Variants in LCOR observed in about 807,000 individuals in gnomAD.
The protein encoded by LCOR is ligand-dependent corepressor.
LCOR carries 14 observed loss-of-function variants against 64.4 expected under a neutral mutation model. The observed-to-expected ratio is 0.22, with a 90% CI of 0.14 to 0.34. The LOEUF (loss-of-function observed/expected upper bound fraction) is 0.34. LCOR is among the 10% of genes least tolerant of loss of function. LCOR has a pLI of 1.00. For synonymous variants in LCOR, 643 were observed against 642.5 expected, an observed-to-expected ratio of 1.00 and a Z score of -0.01; for missense variants, 1,686 against 1,765.3, an observed-to-expected ratio of 0.96 and a Z score of 0.80.
intron 2 of LCOR, among the ~76,000 whole-genome samples, chr10:96,893,546 C>G (rs1040006417): frequency 1.3e-5 from 2 of 152,046 alleles, no homozygotes; most frequent in Non-Finnish European, 2.9e-5. Flanking sequence ...AGGCAGATCA[C>G]AAGGTCAGGA....
chr10:96,836,150 T>C (rs1845437412), intron 2 of LCOR, among the ~76,000 whole-genome samples: 1 of 152,246 alleles, frequency 6.6e-6, no homozygotes, highest in South Asian at 2.1e-4. Context: ...TTGCCCTAAT[T>C]TCCTGAAATG....
Position 96,912,817 on chromosome 10 carries a change from T to C in LCOR, c.-184+5070T>C, listed in dbSNP as rs150962883. Among the ~76,000 whole-genome samples the C allele has an allele frequency of 2.7e-3, 413 of 152,316 alleles. 3 individuals are homozygous for C. Among genetic ancestry groups the C allele is most frequent in the African/African-American group, 8.7e-3 (360 of 41,554 alleles). On this transcript the variant is annotated intron_variant, in intron 4 of 7. Coordinates refer to ENST00000421806, the MANE Select transcript of LCOR (RefSeq NM_001346516.2). ...TACTGTGGTGTTGACCAAATGATTT[T>C]CTATTTCCATAATTTCTTCTACATT... is the stretch of plus-strand genomic sequence containing the variant.
chr10:96,922,522 G>A (rs1469710632), intron 4 of LCOR, among the ~76,000 whole-genome samples: 2 of 152,182 alleles, frequency 1.3e-5, no homozygotes, highest in Non-Finnish European at 2.9e-5. Flanking sequence ...TCTTGCATTT[G>A]TAATAGTCTT....
rs769810945 is a variant in LCOR at position 96,991,022 on chromosome 10, TAAAAAAAAAAA to T, written c.*5901_*5911del. The T allele has an allele frequency of 1.3e-5, 1 of 77,262 alleles. No individual in the cohort carries two copies. The highest frequency in any genetic ancestry group is 4.7e-5 in the African/African-American group (1 of 21,416). 4.8% of individuals were successfully genotyped at this position (77,262 alleles called of 1,614,324 possible). ...TTTTACCCTTTTTTAAAGGGTTATG[TAAAAAAAAAAA>T]AAAAAAAAAAAAGCAACTATATGTG... On this transcript the variant is annotated 3_prime_UTR_variant, in exon 8 of 8. Transcript: ENST00000421806.
At chr10:96,856,719 C>G (rs1845810804) in intron 2 of LCOR, among the ~76,000 whole-genome samples, 1 of 151,960 alleles carries the variant, frequency 6.6e-6, no homozygotes, top group Admixed American at 6.6e-5. Flanking sequence ...TCAGGTGATT[C>G]TCCTGCCTTG....
At position 96,936,953 on chromosome 10, in the gene LCOR, T is replaced by C. The variant is rs117819909; in HGVS notation, c.-183-7160T>C. ...TAACAATATACTATAACAAAAGTTA[T>C]GTGAATATTCTCTCTCTTTTCTCAA... On this transcript the variant is annotated intron_variant, in intron 4 of 7. Transcript: ENST00000421806. Among the ~76,000 whole-genome samples, 22 of 152,360 alleles carry C rather than the reference T, an allele frequency of 1.4e-4. No individual in the cohort carries two copies. The East Asian group carries it at 4.2e-3, about 29-fold the overall frequency.
intron 2 of LCOR, among the ~76,000 whole-genome samples, chr10:96,883,284 C>T (rs1356591045): frequency 3.9e-5 from 6 of 152,198 alleles, no homozygotes; most frequent in African/African-American, 7.2e-5. Flanking sequence ...CTGCCTGCCT[C>T]GGCCTCCCAA....
intron 2 of LCOR, among the ~76,000 whole-genome samples, chr10:96,851,233 C>G (rs906334192): frequency 6.6e-6 from 1 of 152,226 alleles, no homozygotes; most frequent in Non-Finnish European, 1.5e-5. Context: ...CTGTTGTCAT[C>G]CTCCAGCTGA....
At chr10:96,967,350 T>C (rs1002028713) in intron 7 of LCOR, among the ~76,000 whole-genome samples, 5 of 152,222 alleles carry the variant, frequency 3.3e-5, no homozygotes, top group Non-Finnish European at 4.4e-5. Flanking sequence ...CTGCCTGTTT[T>C]GGAACTCCTG....
Position 96,909,107 on chromosome 10 carries a change from A to T in LCOR, c.-184+1360A>T, listed in dbSNP as rs139118196. Among the ~76,000 whole-genome samples, 1,195 of 152,114 alleles carry T rather than the reference A, an allele frequency of 7.9e-3. 8 individuals are homozygous for T. Among genetic ancestry groups the T allele is most frequent in the Non-Finnish European group, 0.013 (906 of 67,996 alleles). On this transcript the variant is annotated intron_variant, in intron 4 of 7. Coordinates refer to ENST00000421806, the MANE Select transcript of LCOR (RefSeq NM_001346516.2). ...AATTTCATTTTTTTTCATTTCCACA[A>T]TCATTACTATAGTTCTCTCTTAGTC...
intron 2 of LCOR, among the ~76,000 whole-genome samples, chr10:96,895,825 G>A (rs2134438506): frequency 6.6e-6 from 1 of 152,340 alleles, no homozygotes; most frequent in South Asian, 2.1e-4. Context: ...TCCTTTGCCT[G>A]TAATCCCAGT....
intron 2 of LCOR, among the ~76,000 whole-genome samples, chr10:96,879,222 C>T (rs1846220131): frequency 6.6e-6 from 1 of 152,106 alleles, no homozygotes; most frequent in African/African-American, 2.4e-5. Flanking sequence ...ATACATGATT[C>T]ACAGATGAAG....
intron 2 of LCOR, among the ~76,000 whole-genome samples, chr10:96,861,033 G>GCA (rs1391287562): frequency 6.6e-6 from 1 of 152,108 alleles, no homozygotes; most frequent in Non-Finnish European, 1.5e-5. Flanking sequence ...TTCATTTTCA[G>GCA]CAAACAGAGT....
At chr10:96,919,423 C>G (rs932302696) in intron 4 of LCOR, among the ~76,000 whole-genome samples, 4 of 152,076 alleles carry the variant, frequency 2.6e-5, no homozygotes, top group African/African-American at 9.7e-5. Context: ...TTCTCTTCCC[C>G]CCTTCCCCTT....
At chr10:96,847,905 C>T (rs180714646) in intron 2 of LCOR, among the ~76,000 whole-genome samples, 75 of 152,216 alleles carry the variant, frequency 4.9e-4, no homozygotes, top group African/African-American at 1.7e-3. Flanking sequence ...ATTGAAGACC[C>T]GGTTTTTGCC....
rs1847261066 is a variant in LCOR at position 96,931,529 on chromosome 10, C to T, written c.-183-12584C>T. On this transcript the variant is annotated intron_variant, in intron 4 of 7. Transcript: ENST00000421806. ...GGATTAACAGCATGAGCCACTGCGC[C>T]TGGCAGCATTGGTAGTTTCTATAGC... Among the ~76,000 whole-genome samples, 7 of 152,148 alleles carry T rather than the reference C, an allele frequency of 4.6e-5. No homozygotes were observed. In the South Asian group the frequency reaches 1.2e-3, roughly 27 times the overall value.
At chr10:96,907,075 A>T (rs1846741918) in intron 2 of LCOR, among the ~76,000 whole-genome samples, 190 bp from the exon 3 acceptor site, 1 of 152,210 alleles carries the variant, frequency 6.6e-6, no homozygotes, top group Non-Finnish European at 1.5e-5. Flanking sequence ...GTTGAATGTT[A>T]ATCATTGACA....
At chr10:96,845,449 CTTTTTTTTTTTTTTTTTTTTTTT>C (rs762639752) in intron 2 of LCOR, among the ~76,000 whole-genome samples, 3 of 48,686 alleles carry the variant, frequency 6.2e-5, no homozygotes, top group East Asian at 6.7e-4. Flanking sequence ...TGGGCTTATC[CTTTTTTTTTTTTTTTTTTTTTTT>C]TTTTTTTTTT....
At chr10:96,898,708 G>A (rs915231058) in intron 2 of LCOR, among the ~76,000 whole-genome samples, 1 of 152,124 alleles carries the variant, frequency 6.6e-6, no homozygotes, top group Non-Finnish European at 1.5e-5. Context: ...TGATTTTCAG[G>A]GTTGTTTGTT....
Sources: allele counts gnomAD v4.1 joint callset (sites outside exome capture counted in the v4.1 genomes callset), GRCh38; gene constraint gnomAD v4.1.1; transcripts MANE v1.5; gene names NCBI Gene and HGNC (gene_info 2026-07-23, HGNC 2026-07-21).